Variants in LIN52 observed in about 807,000 individuals in gnomAD.
LIN52 encodes lin-52 DREAM MuvB core complex component.
A neutral mutation model predicts 18.5 loss-of-function variants in LIN52; 4 were observed. The observed-to-expected ratio is 0.22, with a 90% CI of 0.11 to 0.49. The LOEUF (loss-of-function observed/expected upper bound fraction) is 0.49, where lower values mean the gene tolerates loss of function less well. Among genes scored for constraint, LIN52 ranks in the 20% least tolerant of loss-of-function variants. The probability of loss-of-function intolerance (pLI) is 0.97; values close to 1 mark genes in which losing one functional copy is unlikely to be tolerated. For synonymous variants in LIN52, 34 were observed against 45.5 expected (o/e 0.75, Z 1.02); for missense variants, 102 against 139.5 (o/e 0.73, Z 1.35).
At chr14:74,165,798 T>G (rs954609024) in intron 5 of LIN52, among the ~76,000 whole-genome samples, 5 of 151,866 alleles carry the variant, frequency 3.3e-5, no homozygotes, top group African/African-American at 1.2e-4. Context: ...TGTGAGCCAC[T>G]GTGCTGGGCC....
intron 5 of LIN52, among the ~76,000 whole-genome samples, chr14:74,125,784 A>G (rs376044124): frequency 6.6e-6 from 1 of 151,398 alleles, no homozygotes; most frequent in African/African-American, 2.4e-5. Context: ...AAACTATCAC[A>G]AGGATAAAAA....
Position 74,199,095 on chromosome 14 carries a change from C to T in LIN52, c.*118C>T. 2.9e-6 allele frequency: 2 copies of T among 698,146 alleles called. No individual in the cohort carries two copies. Among genetic ancestry groups the T allele is most frequent in the South Asian group, 3.4e-5 (2 of 59,680 alleles). The allele number at this position is 698,146 out of a possible 1,614,324, so 43.2% of individuals were successfully genotyped here. On this transcript the variant is annotated 3_prime_UTR_variant, in exon 6 of 6. Transcript: ENST00000555028. ...GAGGCCAGAGGGTGTACCTCCAGGA[C>T]TGCCCTCTCCCCTGCTCCTGGCACT... is the stretch of plus-strand genomic sequence containing the variant.
At chr14:74,128,771 G>A (rs750565308) in intron 5 of LIN52, among the ~76,000 whole-genome samples, 19 of 151,964 alleles carry the variant, frequency 1.3e-4, no homozygotes, top group Non-Finnish European at 2.4e-4. Flanking sequence ...GTAAAACCTC[G>A]TCTCTACTAA....
In LIN52 at chr14:74,125,804, C is replaced by T. The variant is rs189530671; in HGVS notation, c.283+24566C>T. On this transcript the variant is annotated intron_variant, in intron 5 of 5. Coordinates refer to ENST00000555028, the MANE Select transcript of LIN52 (RefSeq NM_001024674.3). ...ATCACAAGGATAAAAAACCAAACAC[C>T]GCATGTTCTCACTCATAGGTGGGAA... 7.8e-3 allele frequency among the ~76,000 whole-genome samples: 1,148 copies of T among 147,126 alleles called. 18 individuals carry two copies. The highest frequency in any genetic ancestry group is 0.027 in the African/African-American group (1,089 of 39,658).
chr14:74,114,069 C>T, intron 5 of LIN52: 2 of 884,504 alleles, frequency 2.3e-6, no homozygotes, highest in Non-Finnish European at 2.7e-6. Context: ...CAACCCCTAC[C>T]TCCCGGGCTC....
intron 5 of LIN52, among the ~76,000 whole-genome samples, chr14:74,105,248 T>TG (rs2060889799): frequency 6.6e-6 from 1 of 152,120 alleles, no homozygotes; most frequent in African/African-American, 2.4e-5. Context: ...CTTAAGGCTT[T>TG]GGGGGTGGGG....
intron 5 of LIN52, among the ~76,000 whole-genome samples, chr14:74,138,769 CAAA>C (rs35627946): frequency 8.8e-5 from 10 of 113,838 alleles, no homozygotes; most frequent in Non-Finnish European, 1.1e-4. Flanking sequence ...GACCCTGCCT[CAAA>C]AAAAAAAAAA....
intron 5 of LIN52, among the ~76,000 whole-genome samples, chr14:74,159,202 A>G (rs1365977164): frequency 6.6e-6 from 1 of 152,038 alleles, no homozygotes; most frequent in Non-Finnish European, 1.5e-5. Flanking sequence ...CTTTTTATTT[A>G]ATTACAAGAT....
intron 5 of LIN52, among the ~76,000 whole-genome samples, chr14:74,194,795 C>T (rs112529501): frequency 0.014 from 2,152 of 152,202 alleles, 49 homozygotes; most frequent in African/African-American, 0.048. Flanking sequence ...AGAATGGAAG[C>T]GGTGTTGCCT....
chr14:74,111,228 C>T (rs2060924800), intron 5 of LIN52, among the ~76,000 whole-genome samples: 1 of 152,110 alleles, frequency 6.6e-6, no homozygotes, highest in Non-Finnish European at 1.5e-5. Context: ...AAATTCTAAA[C>T]AGTTCTTTTG....
At chr14:74,114,406 G>A (rs1395672869) in intron 5 of LIN52, 10 of 985,384 alleles carry the variant, frequency 1.0e-5, no homozygotes, top group Non-Finnish European at 1.2e-5. Context: ...AGGATTGAGA[G>A]CTTGAATGGA....
chr14:74,125,888 TG>T (rs1441229859), intron 5 of LIN52, among the ~76,000 whole-genome samples: 3 of 56,794 alleles, frequency 5.3e-5, no homozygotes, highest in Non-Finnish European at 9.6e-5. Flanking sequence ...GGGCCTGTTG[TG>T]GGGTGGGGGG....
At chr14:74,181,010 G>A (rs1010942895) in intron 5 of LIN52, among the ~76,000 whole-genome samples, 1 of 150,402 alleles carries the variant, frequency 6.6e-6, no homozygotes, top group African/African-American at 2.5e-5. Flanking sequence ...GAGAGACTGA[G>A]AGGTGGGAGG....
chr14:74,125,187 C>T (rs1343640321), intron 5 of LIN52, among the ~76,000 whole-genome samples: 2 of 152,102 alleles, frequency 1.3e-5, no homozygotes, highest in African/African-American at 2.4e-5. Context: ...GAGGAATCAC[C>T]ACACTGACTT....
chr14:74,147,866 A>G (rs1416754632), intron 5 of LIN52, among the ~76,000 whole-genome samples: 1 of 152,176 alleles, frequency 6.6e-6, no homozygotes, highest in Non-Finnish European at 1.5e-5. Flanking sequence ...TTGCAAGTTG[A>G]AAAAGTTCTG....
At chr14:74,187,873 A>G (rs1373886691) in intron 5 of LIN52, among the ~76,000 whole-genome samples, 2 of 152,222 alleles carry the variant, frequency 1.3e-5, no homozygotes, top group African/African-American at 2.4e-5. Flanking sequence ...AGTAAGGTAG[A>G]TACCAATCCC....
At chr14:74,099,897 A>G (rs543528712) in intron 4 of LIN52, among the ~76,000 whole-genome samples, 1 of 152,374 alleles carries the variant, frequency 6.6e-6, no homozygotes, top group South Asian at 2.1e-4. Context: ...AACACCCAAC[A>G]GTGAAACTGC....
Position 74,125,188 on chromosome 14 carries a change from A to G in LIN52, c.283+23950A>G, listed in dbSNP as rs538895593. ...AGTTCTAGATCCCTGAGGAATCACCACACTGACTTCCACAATGGTTGAACT... is the reference window on the plus strand; with the variant it reads ...AGTTCTAGATCCCTGAGGAATCACCGCACTGACTTCCACAATGGTTGAACT... On this transcript the variant is annotated intron_variant, in intron 5 of 5. Transcript: ENST00000555028. 2.6e-5 allele frequency among the ~76,000 whole-genome samples: 4 copies of G among 152,298 alleles called. No homozygotes were observed. The South Asian group carries it at 8.3e-4, about 32-fold the overall frequency.
chr14:74,092,238 CT>C (rs572845870), intron 2 of LIN52, among the ~76,000 whole-genome samples: 172 of 150,806 alleles, frequency 1.1e-3, no homozygotes, highest in African/African-American at 4.0e-3. Context: ...TCCCAAAGTG[CT>C]GGGATTACAG....
Sources: gnomAD v4.1 joint callset for allele counts (sites outside exome capture counted in the v4.1 genomes callset) on GRCh38, gnomAD v4.1.1 for gene constraint, MANE v1.5 for transcripts, NCBI Gene and HGNC (gene_info 2026-07-23, HGNC 2026-07-21) for gene names.